Variants in RIPOR3 observed in about 807,000 individuals in gnomAD.
RIPOR3 encodes the protein RIPOR family member 3.
RIPOR3 carries 95 observed loss-of-function variants against 114.3 expected under a neutral mutation model. The ratio of observed to expected loss-of-function variants is 0.83; its 90% CI spans 0.70 to 0.99. The LOEUF (loss-of-function observed/expected upper bound fraction) is 0.99, where lower values mean the gene tolerates loss of function less well. Among genes scored for constraint, RIPOR3 ranks in the 50% least tolerant of loss-of-function variants. The probability of loss-of-function intolerance (pLI) is 0.00; values close to 1 mark genes in which losing one functional copy is unlikely to be tolerated. For synonymous variants in RIPOR3, 575 were observed against 543.8 expected, an observed-to-expected ratio of 1.06 and a Z score of -0.80; for missense variants, 1,252 against 1,266.9, an observed-to-expected ratio of 0.99 and a Z score of 0.18.
At chr20:50,587,393 T>C in intron 21 of RIPOR3, 61 bp from the exon 22 acceptor site, 1 of 1,418,458 alleles carries the variant, frequency 7.0e-7, no homozygotes, top group Non-Finnish European at 9.9e-7. Context: ...CCAACTCTCC[T>C]GGGCCAGGGT....
rs747022420 is a variant in RIPOR3, at chr20:50,610,891, C to T, written c.388G>A (p.Glu130Lys). The change falls in exon 6 of 22, where the codon GAA (glutamate) becomes AAA (lysine). Residue 130 changes from glutamate (E) to lysine (K), a missense_variant. Transcript: ENST00000327979. ...YDLDKQTRCV[E>K]RHIRKMEFHI... is the part of the protein sequence containing the mutation. The stretch of plus-strand genomic sequence containing the variant: ...AACTCCATCTTCCGAATGTGCCTTT[C>T]CACACAGCGCGTTTGCTTCTCCCGG... 1 of 1,614,244 alleles carries T rather than the reference C, an allele frequency of 6.2e-7. No individual in the cohort carries two copies. The highest frequency in any genetic ancestry group is 2.2e-5 in the East Asian group (1 of 44,892).
At chr20:50,687,835 G>A (rs923809824) in intron 1 of RIPOR3, among the ~76,000 whole-genome samples, 4 of 151,774 alleles carry the variant, frequency 2.6e-5, no homozygotes, top group African/African-American at 9.7e-5. Context: ...CCTGGGAGGC[G>A]GAAGTTGCAG....
intron 21 of RIPOR3, 116 bp downstream of exon 21, chr20:50,587,685 GC>G: frequency 1.1e-6 from 1 of 929,224 alleles, no homozygotes. Flanking sequence ...TGCTAACGGT[GC>G]CCATCCCAGG....
In RIPOR3 at chr20:50,586,241, T is replaced by A. The variant is rs868523329; in HGVS notation, c.*991A>T. 6.5e-6 allele frequency: 1 copy of A among 154,086 alleles called. No individual in the cohort carries two copies. Among genetic ancestry groups the A allele is most frequent in the African/African-American group, 2.4e-5 (1 of 41,492 alleles). 9.5% of individuals were successfully genotyped at this position (154,086 alleles called of 1,614,324 possible). ...GGAAGTATCGATGAGAATGTTCAAG[T>A]TAAAGTTCTCCAATGCCATTGCTAC... On this transcript the variant is annotated 3_prime_UTR_variant, in exon 22 of 22. Coordinates refer to ENST00000327979, the MANE Select transcript of RIPOR3 (RefSeq NM_001290268.2).
At chr20:50,613,528 C>G (rs1405874635) in intron 4 of RIPOR3, among the ~76,000 whole-genome samples, 44 of 152,162 alleles carry the variant, frequency 2.9e-4, no homozygotes, top group Non-Finnish European at 2.9e-5. Flanking sequence ...AGAAGAGTGA[C>G]TACCCAGCAA....
At chr20:50,623,698 ACAC>A (rs11470024) in intron 2 of RIPOR3, among the ~76,000 whole-genome samples, 76,254 of 151,778 alleles carry the variant, frequency 0.5, 22,663 homozygotes, top group African/African-American at 0.84. Context: ...TGAACAGCTG[ACAC>A]CACAAGCCCA....
Position 50,586,938 on chromosome 20 carries a change from C to G in RIPOR3, c.*294G>C. 3.0e-6 allele frequency: 1 copy of G among 330,180 alleles called. No homozygotes were observed. The highest frequency in any genetic ancestry group is 5.6e-6 in the Non-Finnish European group (1 of 177,280). 20.5% of individuals were successfully genotyped at this position (330,180 alleles called of 1,614,324 possible). A position where few individuals can be genotyped will look rare whatever the true frequency, so the allele number is the denominator to read the frequency against. The stretch of plus-strand genomic sequence containing the variant: ...TTTTGTAGGTGGCCACCTAGTTTGG[C>G]TCAGCTCTGCATCTCGGGGAAGGTC... On this transcript the variant is annotated 3_prime_UTR_variant, in exon 22 of 22. Coordinates refer to ENST00000327979, the MANE Select transcript of RIPOR3 (RefSeq NM_001290268.2).
At chr20:50,600,751 C>A (rs2083465366) in intron 13 of RIPOR3, among the ~76,000 whole-genome samples, 1 of 152,120 alleles carries the variant, frequency 6.6e-6, no homozygotes, top group Non-Finnish European at 1.5e-5. Flanking sequence ...CAGAGTGAGA[C>A]CCTGTCTCCA....
intron 4 of RIPOR3, among the ~76,000 whole-genome samples, chr20:50,611,973 A>G (rs2083994029): frequency 6.6e-6 from 1 of 151,904 alleles, no homozygotes; most frequent in South Asian, 2.1e-4. Context: ...AAAATATAAA[A>G]AGTAGCTGGG....
intron 2 of RIPOR3, among the ~76,000 whole-genome samples, chr20:50,623,260 TAA>T (rs57108911): frequency 0.071 from 8,092 of 113,226 alleles, 505 homozygotes; most frequent in African/African-American, 0.15. Flanking sequence ...AACTCTGCCT[TAA>T]AAAAAAAAAA....
intron 1 of RIPOR3, among the ~76,000 whole-genome samples, chr20:50,657,294 A>T (rs1349085789): frequency 6.6e-6 from 1 of 152,232 alleles, no homozygotes; most frequent in East Asian, 1.9e-4. Context: ...TAGGAGACCT[A>T]GGCAGGTGGA....
intron 4 of RIPOR3, among the ~76,000 whole-genome samples, chr20:50,613,024 T>A (rs2084028163): frequency 6.6e-6 from 1 of 152,186 alleles, no homozygotes; most frequent in South Asian, 2.1e-4. Context: ...GCCCAGGAGT[T>A]TGAGGTTACG....
At chr20:50,645,934 T>C (rs944468067) in intron 1 of RIPOR3, 2 of 152,214 alleles carry the variant, frequency 1.3e-5, no homozygotes, top group African/African-American at 4.8e-5. Flanking sequence ...TGTTCTGGTT[T>C]TTCTTTTGAC....
chr20:50,660,681 G>A (rs905955578), intron 1 of RIPOR3, among the ~76,000 whole-genome samples: 6 of 150,184 alleles, frequency 4.0e-5, no homozygotes, highest in South Asian at 4.2e-4. Flanking sequence ...CACTACCCCC[G>A]AACTTTCCAT....
chr20:50,594,950 G>A, intron 16 of RIPOR3: 1 of 534,252 alleles, frequency 1.9e-6, no homozygotes, highest in South Asian at 2.6e-5. Context: ...GCTGTCACCA[G>A]CCTCTCCTTA....
chr20:50,679,135 A>AAAAATATATATAT (rs2086773516), intron 1 of RIPOR3, among the ~76,000 whole-genome samples: 2 of 20,774 alleles, frequency 9.6e-5, no homozygotes, highest in African/African-American at 2.6e-4. Flanking sequence ...AAAAAAAAAA[A>AAAAATATATATAT]ATATATATAT....
chr20:50,661,843 A>G (rs1029193916), intron 1 of RIPOR3, among the ~76,000 whole-genome samples: 2 of 152,220 alleles, frequency 1.3e-5, no homozygotes, highest in African/African-American at 2.4e-5. Flanking sequence ...GTCCATAGCC[A>G]GTTCAGCCAA....
intron 2 of RIPOR3, among the ~76,000 whole-genome samples, chr20:50,626,788 G>A (rs907758719): frequency 2.0e-5 from 3 of 152,190 alleles, no homozygotes; most frequent in Non-Finnish European, 2.9e-5. Flanking sequence ...TTGGGAGGCC[G>A]AGGTGGGTGG....
chr20:50,679,625 C>T (rs1396629703), intron 1 of RIPOR3, among the ~76,000 whole-genome samples: 4 of 136,732 alleles, frequency 2.9e-5, no homozygotes, highest in Non-Finnish European at 4.8e-5. Flanking sequence ...AAAAATTAGC[C>T]GGGCGTGGTG....
Sources: gnomAD v4.1 joint callset for allele counts (sites outside exome capture counted in the v4.1 genomes callset) on GRCh38, gnomAD v4.1.1 for gene constraint, MANE v1.5 for transcripts, NCBI Gene and HGNC (gene_info 2026-07-23, HGNC 2026-07-21) for gene names.